Variants in DOCK2 observed in about 807,000 individuals in gnomAD.
DOCK2 encodes the protein dedicator of cytokinesis 2.
DOCK2 carries 87 observed loss-of-function variants against 248.9 expected under a neutral mutation model. The observed-to-expected ratio is 0.35, with a 90% CI of 0.29 to 0.42. The LOEUF is 0.42. DOCK2 is among the 10% of genes least tolerant of loss of function. The probability of loss-of-function intolerance (pLI) is 1.00; values close to 1 mark genes in which losing one functional copy is unlikely to be tolerated. For synonymous variants in DOCK2, 805 were observed against 821.6 expected (o/e 0.98, Z 0.35); for missense variants, 1,747 against 2,300.2 (o/e 0.76, Z 4.92).
intron 36 of DOCK2, among the ~76,000 whole-genome samples, chr5:170,039,493 G>A (rs376407319): frequency 1.4e-3 from 212 of 152,328 alleles, no homozygotes; most frequent in African/African-American, 4.9e-3. Flanking sequence ...TAGCCTGGAT[G>A]CCCGGTACAG....
intron 30 of DOCK2, among the ~76,000 whole-genome samples, chr5:169,999,472 A>G (rs1581516621): frequency 6.6e-6 from 1 of 152,166 alleles, no homozygotes; most frequent in Admixed American, 6.5e-5. Context: ...TCATGCCCCT[A>G]AATGTGTCAG....
At chr5:169,881,521 T>C in intron 27 of DOCK2, 1 of 1,071,886 alleles carries the variant, frequency 9.3e-7, no homozygotes, top group Non-Finnish European at 1.4e-6. Flanking sequence ...ACTTGTCCCT[T>C]AGTCCCTATA....
chr5:169,949,111 T>G lies in DOCK2; in HGVS notation c.2800-33957T>G, dbSNP rs1027899883. On this transcript the variant is annotated intron_variant, in intron 27 of 51. Transcript: ENST00000520908. ...GTGGATAAAAGTGTATAGCCCTGTA[T>G]TCGAATTTCCTTGGCATCTTTTTGA... Among the ~76,000 whole-genome samples the G allele has an allele frequency of 8.5e-5, 13 of 152,342 alleles. No individual in the cohort carries two copies. In the East Asian group the frequency reaches 2.5e-3, roughly 29 times the overall value.
intron 27 of DOCK2, chr5:169,882,454 G>A (rs1772710355): frequency 6.0e-6 from 6 of 992,452 alleles, no homozygotes; most frequent in Admixed American, 2.9e-5. Flanking sequence ...CAAACATTTT[G>A]GAGACATTTT....
At chr5:169,767,734 C>T (rs985889230) in intron 25 of DOCK2, among the ~76,000 whole-genome samples, 22 of 152,226 alleles carry the variant, frequency 1.4e-4, no homozygotes, top group East Asian at 1.9e-4. Context: ...ACAATAGTAA[C>T]GACATCAACA....
In DOCK2 at chr5:169,995,944, G is replaced by A. The variant is rs911637081; in HGVS notation, c.2994-142G>A. On this transcript the variant is annotated intron_variant, in intron 29 of 51. Coordinates refer to ENST00000520908, the MANE Select transcript of DOCK2 (RefSeq NM_004946.3). ...CTAGAGTGTGAATAGTTGTTAATCT[G>A]CATTAGCTGACCTCTCTAAATCAGT... The A allele has an allele frequency of 6.8e-6, 5 of 731,308 alleles. No individual in the cohort carries two copies. In the East Asian group the frequency reaches 1.4e-4, roughly 20 times the overall value. The allele number at this position is 731,308 out of a possible 1,614,324, so 45.3% of individuals were successfully genotyped here. A position where few individuals can be genotyped will look rare whatever the true frequency, so the allele number is the denominator to read the frequency against.
intron 25 of DOCK2, among the ~76,000 whole-genome samples, chr5:169,768,415 G>A (rs552791481): frequency 4.6e-5 from 7 of 152,330 alleles, no homozygotes; most frequent in African/African-American, 1.7e-4. Flanking sequence ...GGAGAAAATA[G>A]TGGTGTATTG....
chr5:169,641,561 A>G lies in DOCK2; in HGVS notation c.43+4192A>G, dbSNP rs531725269. Reference sequence around the variant, plus strand: ...GTGTGGTGTGTATCTGTGGGAGAGCAGGGAGAAGTGGTGTATTTTAGGGTC... The same window carrying G: ...GTGTGGTGTGTATCTGTGGGAGAGCGGGGAGAAGTGGTGTATTTTAGGGTC... On this transcript the variant is annotated intron_variant, in intron 1 of 51. Transcript: ENST00000520908. 3.3e-5 allele frequency among the ~76,000 whole-genome samples: 5 copies of G among 152,316 alleles called. No individual in the cohort carries two copies. In the East Asian group the frequency reaches 5.8e-4, roughly 18 times the overall value.
rs1322664201 is a variant in DOCK2 at position 170,080,331 on chromosome 5, C to G, written c.5287+48C>G. 2.5e-6 allele frequency: 4 copies of G among 1,606,598 alleles called. No individual in the cohort carries two copies. The African/African-American group carries it at 4.0e-5, about 16-fold the overall frequency. On this transcript the variant is annotated intron_variant, in intron 50 of 51. Transcript: ENST00000520908. ...CATGAGGGAGTAGAGATAGTGCAGG[C>G]CACCAGCCTTGTGGGTGGAGGATGG...
intron 26 of DOCK2, among the ~76,000 whole-genome samples, chr5:169,810,486 G>A (rs1329357751): frequency 6.6e-6 from 1 of 152,206 alleles, no homozygotes; most frequent in Non-Finnish European, 1.5e-5. Context: ...GAGCTCTCTT[G>A]GGCGCAGCAA....
At chr5:169,904,490 G>A (rs1179872583) in intron 27 of DOCK2, among the ~76,000 whole-genome samples, 1 of 152,110 alleles carries the variant, frequency 6.6e-6, no homozygotes, top group Non-Finnish European at 1.5e-5. Context: ...GGGGAAGGGT[G>A]CAGACAGGCA....
At chr5:169,772,203 G>A (rs187470405) in intron 25 of DOCK2, among the ~76,000 whole-genome samples, 54 of 152,334 alleles carry the variant, frequency 3.5e-4, no homozygotes, top group Admixed American at 1.4e-3. Flanking sequence ...TAGGAAAAAG[G>A]AGTAGCCTCT....
intron 19 of DOCK2, among the ~76,000 whole-genome samples, chr5:169,715,409 A>G (rs749850399): frequency 7.2e-5 from 11 of 152,112 alleles, no homozygotes; most frequent in Non-Finnish European, 1.2e-4. Flanking sequence ...AATTGCCTCT[A>G]CCTGGAGAAG....
At chr5:169,935,306 G>A (rs967317558) in intron 27 of DOCK2, among the ~76,000 whole-genome samples, 6 of 152,170 alleles carry the variant, frequency 3.9e-5, no homozygotes, top group African/African-American at 1.4e-4. Context: ...ACCAAAAAAA[G>A]GTCTCATCTC....
At chr5:169,689,673 A>G (rs1561602716) in intron 9 of DOCK2, among the ~76,000 whole-genome samples, 1 of 152,236 alleles carries the variant, frequency 6.6e-6, no homozygotes, top group Non-Finnish European at 1.5e-5. Flanking sequence ...TTTCCGGTTC[A>G]TTCATGATTA....
chr5:169,950,316 T>C (rs1776606914), intron 27 of DOCK2, among the ~76,000 whole-genome samples: 1 of 152,168 alleles, frequency 6.6e-6, no homozygotes, highest in South Asian at 2.1e-4. Flanking sequence ...TAGGGTTGTT[T>C]TAGGATTAAG....
At chr5:169,870,656 G>A (rs1380163316) in intron 27 of DOCK2, among the ~76,000 whole-genome samples, 2 of 151,802 alleles carry the variant, frequency 1.3e-5, no homozygotes, top group African/African-American at 2.4e-5. Context: ...ACAATGTGCA[G>A]GTTTGTTACA....
intron 27 of DOCK2, among the ~76,000 whole-genome samples, chr5:169,969,733 G>GA (rs1777432963): frequency 6.6e-6 from 1 of 151,886 alleles, no homozygotes; most frequent in South Asian, 2.1e-4. Context: ...GGTTACCTAG[G>GA]ACTGAGGGGT....
chr5:169,668,174 C>T (rs550312073), intron 2 of DOCK2, among the ~76,000 whole-genome samples: 5 of 152,164 alleles, frequency 3.3e-5, no homozygotes, highest in Non-Finnish European at 5.9e-5. Flanking sequence ...CTACTTCATG[C>T]GGTTGTTATG....
Sources: allele counts gnomAD v4.1 joint callset (sites outside exome capture counted in the v4.1 genomes callset), GRCh38; gene constraint gnomAD v4.1.1; transcripts MANE v1.5; gene names NCBI Gene and HGNC (gene_info 2026-07-23, HGNC 2026-07-21).